Variants in ADAMTSL1 observed in about 807,000 individuals in gnomAD.
ADAMTSL1 encodes ADAMTS-like protein 1.
ADAMTSL1 carries 126 observed loss-of-function variants against 201.8 expected under a neutral mutation model. The ratio of observed to expected loss-of-function variants is 0.62; its 90% CI spans 0.54 to 0.72. The LOEUF is 0.72. Ranked by LOEUF, ADAMTSL1 falls within the 30% of genes least tolerant of loss-of-function variation. The pLI, the probability that ADAMTSL1 is intolerant of heterozygous loss-of-function variation, is 0.00. For missense variants in ADAMTSL1, 2,679 were observed against 2,277.8 expected (o/e 1.18, Z -3.59); for synonymous variants, 1,121 against 903.4 (o/e 1.24, Z -4.32).
At chr9:18,661,382 G>T (rs1829083734) in intron 8 of ADAMTSL1, among the ~76,000 whole-genome samples, 1 of 152,096 alleles carries the variant, frequency 6.6e-6, no homozygotes, top group Non-Finnish European at 1.5e-5. Context: ...GAATCTCAAT[G>T]GTACATTTAC....
chr9:18,724,167 T>C (rs981032216), intron 15 of ADAMTSL1, among the ~76,000 whole-genome samples: 1 of 152,224 alleles, frequency 6.6e-6, no homozygotes, highest in Non-Finnish European at 1.5e-5. Context: ...CAAGTCTTAG[T>C]CACTGGGCCT....
Position 18,234,539 on chromosome 9 carries a change from T to C in ADAMTSL1, c.207+70558T>C, listed in dbSNP as rs146651629. On this transcript the variant is annotated intron_variant, in intron 2 of 29. Transcript: ENST00000680146. ...GAGTGGTTGACATGACTTGTACTAT[T>C]AATAAATGGTAATAATAGAAGTGCC... Among the ~76,000 whole-genome samples the C allele has an allele frequency of 2.3e-3, 352 of 152,290 alleles. 1 individual carries two copies. Among genetic ancestry groups the C allele is most frequent in the African/African-American group, 8.1e-3 (335 of 41,556 alleles).
At chr9:18,358,196 C>CCTAATTA (rs1836341997) in intron 2 of ADAMTSL1, among the ~76,000 whole-genome samples, 4 of 152,154 alleles carry the variant, frequency 2.6e-5, no homozygotes, top group Admixed American at 2.6e-4. Context: ...AGGTACATAA[C>CCTAATTA]AGTGCCTGGA....
intron 2 of ADAMTSL1, among the ~76,000 whole-genome samples, chr9:18,398,953 A>G (rs563297915): frequency 6.6e-6 from 1 of 152,244 alleles, no homozygotes; most frequent in Admixed American, 6.5e-5. Context: ...ATACAATTAT[A>G]GCCATCCCAG....
chr9:18,765,582 C>G (rs541540545), intron 16 of ADAMTSL1, among the ~76,000 whole-genome samples: 2 of 152,210 alleles, frequency 1.3e-5, no homozygotes, highest in East Asian at 1.9e-4. Flanking sequence ...TGACCACTTC[C>G]TTACTGGGAA....
chr9:18,657,480 G>C (rs1489566303), intron 7 of ADAMTSL1, 159 bp from the exon 8 acceptor site: 23 of 589,646 alleles, frequency 3.9e-5, no homozygotes, highest in Non-Finnish European at 6.4e-5. Flanking sequence ...CTGGTAAAAT[G>C]GTAGGATACA....
chr9:18,683,778 C>T (rs1489035921), intron 12 of ADAMTSL1, among the ~76,000 whole-genome samples: 1 of 152,180 alleles, frequency 6.6e-6, no homozygotes, highest in Non-Finnish European at 1.5e-5. Context: ...AAGCAGTTTG[C>T]AGTTAACTAT....
intron 3 of ADAMTSL1, among the ~76,000 whole-genome samples, chr9:18,537,326 T>C (rs901120170): frequency 6.6e-6 from 1 of 152,144 alleles, no homozygotes; most frequent in Admixed American, 6.6e-5. Context: ...AAGTAACACT[T>C]GAATAACAAG....
rs73430936 is a variant in ADAMTSL1 at position 18,343,598 on chromosome 9, T to C, written c.208-161231T>C. Among the ~76,000 whole-genome samples the C allele has an allele frequency of 4.2e-3, 635 of 152,270 alleles. 3 individuals carry two copies. Among genetic ancestry groups the C allele is most frequent in the African/African-American group, 0.014 (591 of 41,566 alleles). Reference sequence around the variant, plus strand: ...AAATAGTTCTTAATTCTAAACCCTCTTTTAGATTTTTACCTTCTCTCATGT... The same window carrying C: ...AAATAGTTCTTAATTCTAAACCCTCCTTTAGATTTTTACCTTCTCTCATGT... On this transcript the variant is annotated intron_variant, in intron 2 of 29. Coordinates refer to the ADAMTSL1 transcript ENST00000680146.
intron 1 of ADAMTSL1, among the ~76,000 whole-genome samples, chr9:17,931,036 C>T (rs1400472178): frequency 6.6e-6 from 1 of 152,138 alleles, no homozygotes; most frequent in Non-Finnish European, 1.5e-5. Flanking sequence ...TGATGAACTA[C>T]AAATAAAAAC....
intron 1 of ADAMTSL1, among the ~76,000 whole-genome samples, chr9:17,967,733 T>A (rs1235961105): frequency 6.6e-6 from 1 of 152,170 alleles, no homozygotes; most frequent in Non-Finnish European, 1.5e-5. Flanking sequence ...GTCTTTTGTG[T>A]CCTATTGAGG....
At chr9:18,328,200 T>C (rs1834899401) in intron 2 of ADAMTSL1, among the ~76,000 whole-genome samples, 1 of 152,218 alleles carries the variant, frequency 6.6e-6, no homozygotes, top group African/African-American at 2.4e-5. Flanking sequence ...TTTATCCAAT[T>C]TGTTACTTTT....
chr9:18,178,814 G>T (rs1462577385), intron 2 of ADAMTSL1, among the ~76,000 whole-genome samples: 1 of 152,182 alleles, frequency 6.6e-6, no homozygotes, highest in Non-Finnish European at 1.5e-5. Context: ...GCAGCTGAGG[G>T]TCCTGTCTGT....
chr9:18,109,895 C>A (rs1013057421), intron 1 of ADAMTSL1, among the ~76,000 whole-genome samples: 3 of 152,168 alleles, frequency 2.0e-5, no homozygotes, highest in Non-Finnish European at 4.4e-5. Flanking sequence ...GAGTGACAGA[C>A]TGATACCATA....
At chr9:18,063,460 A>T (rs1311186196) in intron 1 of ADAMTSL1, among the ~76,000 whole-genome samples, 1 of 152,266 alleles carries the variant, frequency 6.6e-6, no homozygotes, top group African/African-American at 2.4e-5. Flanking sequence ...GAATAACTTA[A>T]ATCTCTTTCC....
chr9:17,954,131 C>G (rs1218658036), intron 1 of ADAMTSL1, among the ~76,000 whole-genome samples: 1 of 151,996 alleles, frequency 6.6e-6, no homozygotes, highest in African/African-American at 2.4e-5. Flanking sequence ...CATGTGGGAT[C>G]TTCATGTGGC....
intron 2 of ADAMTSL1, among the ~76,000 whole-genome samples, chr9:18,365,962 G>A (rs1041838069): frequency 1.3e-5 from 2 of 152,130 alleles, no homozygotes; most frequent in Non-Finnish European, 2.9e-5. Context: ...ATTTGAGATG[G>A]AACAGTTTCA....
At chr9:17,975,347 T>A (rs1375471372) in intron 1 of ADAMTSL1, among the ~76,000 whole-genome samples, 2 of 152,044 alleles carry the variant, frequency 1.3e-5, no homozygotes. Flanking sequence ...TTACAGTTCT[T>A]GGGGCTGAGA....
intron 1 of ADAMTSL1, among the ~76,000 whole-genome samples, chr9:18,103,171 CAA>C (rs1824605742): frequency 6.6e-6 from 1 of 151,964 alleles, no homozygotes; most frequent in African/African-American, 2.4e-5. Flanking sequence ...TGATATGTAA[CAA>C]ATTAGATTGC....
Sources: allele counts gnomAD v4.1 joint callset (sites outside exome capture counted in the v4.1 genomes callset), GRCh38; gene constraint gnomAD v4.1.1; transcripts MANE v1.5; gene names NCBI Gene and HGNC (gene_info 2026-07-23, HGNC 2026-07-21).